TEAD4: variants seen among roughly 807,000 people sequenced by gnomAD.
TEAD4 encodes the protein transcriptional enhancer factor TEF-3.
In TEAD4, 36 loss-of-function variants were observed where a neutral mutation model predicts 52.4. That is an observed-to-expected ratio of 0.69 (90% CI 0.53 to 0.91). The LOEUF is 0.91. Among genes scored for constraint, TEAD4 ranks in the 40% least tolerant of loss-of-function variants. The pLI, the probability that TEAD4 is intolerant of heterozygous loss-of-function variation, is 0.00. For synonymous variants in TEAD4, 220 were observed against 231.0 expected, an observed-to-expected ratio of 0.95 and a Z score of 0.43; for missense variants, 508 against 583.9, an observed-to-expected ratio of 0.87 and a Z score of 1.34.
intron 2 of TEAD4, among the ~76,000 whole-genome samples, chr12:2,972,964 G>A (rs749509136): frequency 6.6e-6 from 1 of 152,052 alleles, no homozygotes; most frequent in African/African-American, 2.4e-5. Flanking sequence ...TCCCCCAAAC[G>A]ATTCCATCCA....
At chr12:3,026,156 G>C (rs2153957810) in intron 10 of TEAD4, among the ~76,000 whole-genome samples, 1 of 152,110 alleles carries the variant, frequency 6.6e-6, no homozygotes, top group South Asian at 2.1e-4. Flanking sequence ...TCTTTTCCAG[G>C]AATCTCTGTT....
At chr12:2,962,667 G>A (rs2098216766) in intron 2 of TEAD4, among the ~76,000 whole-genome samples, 1 of 151,832 alleles carries the variant, frequency 6.6e-6, no homozygotes, top group Non-Finnish European at 1.5e-5. Context: ...GCGGGATTTC[G>A]CCATGTTTGC....
intron 2 of TEAD4, among the ~76,000 whole-genome samples, chr12:2,961,896 AG>A (rs535671519): frequency 6.6e-6 from 1 of 152,220 alleles, no homozygotes; most frequent in African/African-American, 2.4e-5. Context: ...ACTGTGAGCC[AG>A]GCCCTACGCT....
chr12:2,978,397 GT>G (rs1288434222), intron 2 of TEAD4, among the ~76,000 whole-genome samples: 4 of 144,178 alleles, frequency 2.8e-5, no homozygotes, highest in African/African-American at 7.6e-5. Context: ...TTGTCTTTTT[GT>G]TTTTTTTTGT....
At chr12:3,033,641 C>T (rs930762835) in intron 10 of TEAD4, among the ~76,000 whole-genome samples, 2 of 152,232 alleles carry the variant, frequency 1.3e-5, no homozygotes, top group African/African-American at 4.8e-5. Flanking sequence ...GGCCCCCACA[C>T]CCGGGCTGCG....
intron 5 of TEAD4, chr12:3,017,102 A>G (rs545291635): frequency 1.3e-4 from 68 of 537,612 alleles, no homozygotes; most frequent in Non-Finnish European, 1.6e-4. Flanking sequence ...AGAGGTGAGC[A>G]AGGCATAGAA....
In TEAD4 at chr12:2,974,661, G is replaced by T. The variant is rs575286174; in HGVS notation, c.-30+14621G>T. On this transcript the variant is annotated intron_variant, in intron 2 of 12. Transcript: ENST00000359864. ...GTGGCTCCCTGAGGCTCTGGGTCCT[G>T]GAAGGCATTCCCCGGTGTGGAGACT... 5.4e-4 allele frequency among the ~76,000 whole-genome samples: 82 copies of T among 152,290 alleles called. 1 individual carries two copies. Among genetic ancestry groups the T allele is most frequent in the African/African-American group, 2.0e-3 (82 of 41,556 alleles).
At position 3,039,953 on chromosome 12, in the gene TEAD4, T is replaced by C. The variant is rs1423875231; in HGVS notation, c.1039-154T>C. Among the ~76,000 whole-genome samples the C allele has an allele frequency of 2.0e-5, 3 of 152,196 alleles. 1 individual carries two copies. The highest frequency in any genetic ancestry group is 4.4e-5 in the Non-Finnish European group (3 of 68,028). On this transcript the variant is annotated intron_variant, in intron 11 of 12. Coordinates refer to ENST00000359864, the MANE Select transcript of TEAD4 (RefSeq NM_003213.4). ...CCGCCTGCCTTGGCCTCCCAAAGTG[T>C]TGGGATTACAGGTGTGAGCCACTGC...
chr12:3,026,513 C>T (rs79412265), intron 10 of TEAD4, among the ~76,000 whole-genome samples: 6,139 of 152,272 alleles, frequency 0.04, 336 homozygotes, highest in African/African-American at 0.13. Flanking sequence ...GCTGGAGTTC[C>T]AGCCACTGTA....
chr12:3,015,181 C>T (rs557075774), intron 5 of TEAD4, among the ~76,000 whole-genome samples: 17 of 152,266 alleles, frequency 1.1e-4, no homozygotes, highest in African/African-American at 3.1e-4. Context: ...GACAATGACC[C>T]ACTACTCGGA....
intron 3 of TEAD4, among the ~76,000 whole-genome samples, chr12:3,009,812 G>A (rs972318691): frequency 2.0e-5 from 3 of 152,206 alleles, no homozygotes; most frequent in African/African-American, 4.8e-5. Context: ...GTGGTCCCAG[G>A]CCAGCACACC....
At chr12:2,996,703 C>T (rs949532082) in intron 3 of TEAD4, among the ~76,000 whole-genome samples, 1 of 152,108 alleles carries the variant, frequency 6.6e-6, no homozygotes, top group Admixed American at 6.5e-5. Flanking sequence ...AGCCACCGCA[C>T]CCAGCTTTTC....
Position 2,959,945 on chromosome 12 carries a change from C to G in TEAD4, c.-122-3C>G, listed in dbSNP as rs2098213929. 1 of 152,222 alleles carries G rather than the reference C, an allele frequency of 6.6e-6. No homozygotes were observed. The highest frequency in any genetic ancestry group is 2.4e-5 in the African/African-American group (1 of 41,454). The allele number at this position is 152,222 out of a possible 1,614,324, so 9.4% of individuals were successfully genotyped here. On this transcript the variant is annotated splice_polypyrimidine_tract_variant and splice_region_variant and intron_variant, in intron 1 of 12. Transcript: ENST00000359864. The surrounding 1 kb of genome is among the most constrained non-coding windows in gnomAD (Gnocchi z 5.1). ...GCGCGCTGACGCCCTGTCGTCCCCG[C>G]AGAACGATCGCCGCGGCCGGAAGAG...
rs542321388 is a variant in TEAD4, at chr12:2,959,937, C to G, written c.-122-11C>G. 6.6e-6 allele frequency: 1 copy of G among 152,198 alleles called. No homozygotes were observed. The highest frequency in any genetic ancestry group is 1.5e-5 in the Non-Finnish European group (1 of 68,066). The allele number at this position is 152,198 out of a possible 1,614,324, so 9.4% of individuals were successfully genotyped here. ...CCGGCTCTGCGCGCTGACGCCCTGT[C>G]GTCCCCGCAGAACGATCGCCGCGGC... On this transcript the variant is annotated splice_polypyrimidine_tract_variant and intron_variant, in intron 1 of 12. Coordinates refer to ENST00000359864, the MANE Select transcript of TEAD4 (RefSeq NM_003213.4). The surrounding 1 kb of genome is among the most constrained non-coding windows in gnomAD (Gnocchi z 5.1).
At chr12:2,987,781 C>T (rs1174610686) in intron 2 of TEAD4, among the ~76,000 whole-genome samples, 1 of 151,230 alleles carries the variant, frequency 6.6e-6, no homozygotes, top group Non-Finnish European at 1.5e-5. Flanking sequence ...ATCACAATTT[C>T]AGGGCCGGGC....
intron 3 of TEAD4, among the ~76,000 whole-genome samples, chr12:2,999,472 C>A (rs1304809383): frequency 6.6e-6 from 1 of 152,234 alleles, no homozygotes; most frequent in Admixed American, 6.5e-5. Flanking sequence ...ATAGGACACG[C>A]TGACCAAGGC....
At chr12:3,024,914 G>GCCA (rs374629811) in intron 10 of TEAD4, among the ~76,000 whole-genome samples, 4 of 7,796 alleles carry the variant, frequency 5.1e-4, no homozygotes, top group East Asian at 0.5. Flanking sequence ...TCTCCTGGCT[G>GCCA]CCTCTGTTCT....
At chr12:3,016,396 A>C (rs1010164774) in intron 5 of TEAD4, among the ~76,000 whole-genome samples, 1 of 152,182 alleles carries the variant, frequency 6.6e-6, no homozygotes, top group African/African-American at 2.4e-5. Context: ...ATAAAGCTGC[A>C]GACAGTGAAT....
intron 2 of TEAD4, among the ~76,000 whole-genome samples, chr12:2,980,274 C>A (rs1477553279): frequency 1.3e-5 from 2 of 152,132 alleles, no homozygotes; most frequent in Non-Finnish European, 2.9e-5. Flanking sequence ...CAGTGGGGTC[C>A]ATGCAACGAA....
Sources: allele counts gnomAD v4.1 joint callset (sites outside exome capture counted in the v4.1 genomes callset), GRCh38; gene constraint gnomAD v4.1.1; non-coding constraint Gnocchi (gnomAD v3.1); transcripts MANE v1.5; gene names NCBI Gene and HGNC (gene_info 2026-07-23, HGNC 2026-07-21).